The following PARD3 variants were observed in gnomAD, a reference collection of about 807,000 sequenced individuals.
PARD3 encodes partitioning defective 3 homolog.
Under a neutral mutation model 155.4 loss-of-function variants are expected in PARD3, and 75 were observed. The ratio of observed to expected loss-of-function variants is 0.48; its 90% confidence interval spans 0.40 to 0.58. The LOEUF is 0.58. Ranked by LOEUF, PARD3 falls within the 20% of genes least tolerant of loss-of-function variation. PARD3 has a pLI of 0.00. For missense variants in PARD3, 1,642 were observed against 1,721.7 expected, an observed-to-expected ratio of 0.95 and a Z score of 0.82; for synonymous variants, 576 against 610.5, an observed-to-expected ratio of 0.94 and a Z score of 0.83.
intron 1 of PARD3, among the ~76,000 whole-genome samples, chr10:34,776,811 A>C (rs1400205674): frequency 8.9e-6 from 1 of 112,322 alleles, no homozygotes; most frequent in Non-Finnish European, 1.7e-5. Flanking sequence ...ACTATTTCCA[A>C]GTATTTTCAG....
intron 2 of PARD3, among the ~76,000 whole-genome samples, chr10:34,577,545 A>T: frequency 6.6e-6 from 1 of 152,232 alleles, no homozygotes; most frequent in African/African-American, 2.4e-5. Flanking sequence ...AGCAGAATGA[A>T]TCCGATTTGA....
At chr10:34,696,152 G>C (rs891348663) in intron 2 of PARD3, among the ~76,000 whole-genome samples, 166 bp downstream of exon 2, 1 of 152,084 alleles carries the variant, frequency 6.6e-6, no homozygotes, top group African/African-American at 2.4e-5. Flanking sequence ...ATTCAGGACA[G>C]TGAAGATTCA....
At chr10:34,339,635 A>C (rs973464740) in intron 16 of PARD3, among the ~76,000 whole-genome samples, 1 of 152,182 alleles carries the variant, frequency 6.6e-6, no homozygotes, top group Non-Finnish European at 1.5e-5. Flanking sequence ...CAATTGATTA[A>C]TGGATTGAAA....
intron 1 of PARD3, among the ~76,000 whole-genome samples, chr10:34,750,209 C>T (rs1348786208): frequency 6.6e-6 from 1 of 151,542 alleles, no homozygotes; most frequent in Non-Finnish European, 1.5e-5. Context: ...AAACAAAAAA[C>T]GATATGGAAG....
chr10:34,726,133 T>C (rs1288251627), intron 1 of PARD3, among the ~76,000 whole-genome samples: 1 of 152,218 alleles, frequency 6.6e-6, no homozygotes, highest in Non-Finnish European at 1.5e-5. Context: ...CTTTTATACT[T>C]AGAACAAATC....
chr10:34,611,363 T>C (rs2132620799), intron 2 of PARD3, among the ~76,000 whole-genome samples: 1 of 152,312 alleles, frequency 6.6e-6, no homozygotes, highest in Admixed American at 6.5e-5. Flanking sequence ...TGACTTAGTT[T>C]ACTAACCCTT....
intron 2 of PARD3, among the ~76,000 whole-genome samples, chr10:34,665,906 AAAAAG>A (rs1554804217): frequency 3.4e-5 from 5 of 147,138 alleles, no homozygotes; most frequent in African/African-American, 1.0e-4. Context: ...AGAACAGAAC[AAAAAG>A]AAAAGAAAAG....
At chr10:34,772,813 A>C (rs973218213) in intron 1 of PARD3, among the ~76,000 whole-genome samples, 4 of 151,802 alleles carry the variant, frequency 2.6e-5, no homozygotes, top group African/African-American at 9.7e-5. Context: ...AAAAAAAAAA[A>C]AAACTATTTC....
intron 7 of PARD3, among the ~76,000 whole-genome samples, chr10:34,397,416 T>C (rs1843444819): frequency 6.6e-6 from 1 of 152,238 alleles, no homozygotes; most frequent in Non-Finnish European, 1.5e-5. Context: ...TAAATCTCTT[T>C]GTCTCTTTGA....
chr10:34,517,252 A>G (rs1589848481), intron 2 of PARD3, 93 bp from the exon 3 acceptor site: 1 of 1,094,924 alleles, frequency 9.1e-7, no homozygotes, highest in Non-Finnish European at 1.3e-6. Context: ...TACAGTGCAA[A>G]AATACTGATA....
At chr10:34,549,137 G>GATA (rs1170182945) in intron 2 of PARD3, among the ~76,000 whole-genome samples, 1 of 152,170 alleles carries the variant, frequency 6.6e-6, no homozygotes, top group Non-Finnish European at 1.5e-5. Context: ...TGATAACATA[G>GATA]ATAATTCAAC....
At chr10:34,112,966 T>C (rs2132628661) in intron 24 of PARD3, among the ~76,000 whole-genome samples, 1 of 152,356 alleles carries the variant, frequency 6.6e-6, no homozygotes, top group East Asian at 1.9e-4. Context: ...TGGAATAGTT[T>C]ATTTGCCTAA....
At chr10:34,474,786 GGTTT>G (rs988077779) in intron 3 of PARD3, among the ~76,000 whole-genome samples, 2 of 152,024 alleles carry the variant, frequency 1.3e-5, no homozygotes, top group African/African-American at 4.8e-5. Context: ...TACAAATGTT[GGTTT>G]GTTTTTTAAA....
At chr10:34,276,768 G>A (rs1955903299) in intron 21 of PARD3, among the ~76,000 whole-genome samples, 1 of 151,958 alleles carries the variant, frequency 6.6e-6, no homozygotes, top group African/African-American at 2.4e-5. Flanking sequence ...CAAAACCAGT[G>A]GTGTCCTTAA....
In PARD3 at chr10:34,658,199, A is replaced by T. The variant is rs183451058; in HGVS notation, c.222+38119T>A. Among the ~76,000 whole-genome samples the T allele has an allele frequency of 9.7e-4, 148 of 152,096 alleles. 1 individual carries two copies. Among genetic ancestry groups the T allele is most frequent in the African/African-American group, 3.5e-3 (147 of 41,526 alleles). The stretch of plus-strand genomic sequence containing the variant: ...AGTGGATTTATTCAAATGTTTTTTT[A>T]AAAATGTGTTTTATACCTTTTGGTA... On this transcript the variant is annotated intron_variant, in intron 2 of 24. Coordinates refer to ENST00000374788, the MANE Select transcript of PARD3 (RefSeq NM_001184785.2).
At position 34,170,606 on chromosome 10, in the gene PARD3, G is replaced by A. The variant is rs1890086; in HGVS notation, c.3420-39023C>T. 4.8e-3 allele frequency among the ~76,000 whole-genome samples: 736 copies of A among 152,208 alleles called. 4 individuals carry two copies. The highest frequency in any genetic ancestry group is 0.017 in the African/African-American group (686 of 41,514). On this transcript the variant is annotated intron_variant, in intron 22 of 24. Transcript: ENST00000374788. The stretch of plus-strand genomic sequence containing the variant: ...TTGTAGACACTGACCCTAGACAGAG[G>A]GGCCCAGGGAAGGACCACAGACAGA...
intron 3 of PARD3, among the ~76,000 whole-genome samples, chr10:34,498,018 T>C (rs1308606060): frequency 2.0e-5 from 3 of 152,154 alleles, no homozygotes; most frequent in Non-Finnish European, 4.4e-5. Context: ...CCCCCTCTCC[T>C]ACCTCCTCAA....
In PARD3 at chr10:34,507,467, G is replaced by A. The variant is rs139435489; in HGVS notation, c.403+9512C>T. Among the ~76,000 whole-genome samples, 70 of 147,776 alleles carry A rather than the reference G, an allele frequency of 4.7e-4. 1 individual carries two copies. In the East Asian group the frequency reaches 0.012, roughly 26 times the overall value. ...AACGGGAACAAAGAGGTAGCTGAGA[G>A]TACTACTCAGCTCTCTGCCTGTGCC... On this transcript the variant is annotated intron_variant, in intron 3 of 24. Coordinates refer to ENST00000374788, the MANE Select transcript of PARD3 (RefSeq NM_001184785.2).
rs2086788613 is a variant in PARD3 at position 34,575,232 on chromosome 10, T to A, written c.223-58073A>T. ...CAGATTCAACATCCCAGAATTTTTA[T>A]CGTATTATATCTTATGTGAGGCTTA... On this transcript the variant is annotated intron_variant, in intron 2 of 24. Coordinates refer to ENST00000374788, the MANE Select transcript of PARD3 (RefSeq NM_001184785.2). Among the ~76,000 whole-genome samples the A allele has an allele frequency of 3.9e-5, 6 of 152,226 alleles. No homozygotes were observed. In the South Asian group the frequency reaches 1.2e-3, roughly 32 times the overall value.
Sources: gnomAD v4.1 joint callset for allele counts (sites outside exome capture counted in the v4.1 genomes callset) on GRCh38, gnomAD v4.1.1 for gene constraint, MANE v1.5 for transcripts, NCBI Gene and HGNC (gene_info 2026-07-23, HGNC 2026-07-21) for gene names.